SORCS2: variants seen among roughly 807,000 people sequenced by gnomAD.
The protein encoded by SORCS2 is sortilin related VPS10 domain containing receptor 2, also known as VPS10 domain-containing receptor SorCS2.
In SORCS2, 100 loss-of-function variants were observed where a neutral mutation model predicts 141.6. That is an observed-to-expected ratio of 0.71 (90% CI 0.60 to 0.83). SORCS2 has a LOEUF of 0.83. Among genes scored for constraint, SORCS2 ranks in the 40% least tolerant of loss-of-function variants. The pLI is 0.00. For missense variants in SORCS2, 1,646 were observed against 1,560.2 expected (o/e 1.05, Z -0.93); for synonymous variants, 789 against 676.9 (o/e 1.17, Z -2.57).
chr4:7,615,589 G>T (rs1002474482), intron 3 of SORCS2, among the ~76,000 whole-genome samples: 19 of 152,170 alleles, frequency 1.2e-4, no homozygotes, highest in African/African-American at 4.3e-4. Context: ...TGCCACATCA[G>T]GTGTTCCTGT....
intron 1 of SORCS2, among the ~76,000 whole-genome samples, chr4:7,291,759 C>T (rs1716617917): frequency 6.6e-6 from 1 of 152,202 alleles, no homozygotes; most frequent in Non-Finnish European, 1.5e-5. Context: ...TCCCTCCCTG[C>T]TCCCTTGTGA....
intron 2 of SORCS2, among the ~76,000 whole-genome samples, chr4:7,412,734 C>T (rs1359308363): frequency 6.6e-6 from 1 of 152,034 alleles, no homozygotes; most frequent in Non-Finnish European, 1.5e-5. Flanking sequence ...GCTGGGTCTC[C>T]CCAAGCACCC....
chr4:7,369,895 C>T (rs190864084), intron 1 of SORCS2, among the ~76,000 whole-genome samples: 38 of 152,350 alleles, frequency 2.5e-4, no homozygotes, highest in African/African-American at 7.5e-4. Flanking sequence ...GTGTCTTCTC[C>T]AGCTCCCCCT....
chr4:7,571,727 C>T (rs1354197355), intron 3 of SORCS2, among the ~76,000 whole-genome samples: 2 of 152,082 alleles, frequency 1.3e-5, no homozygotes, highest in East Asian at 3.9e-4. Flanking sequence ...GGAAAAGGGG[C>T]CAAGGCCAGC....
chr4:7,531,421 TG>T, intron 2 of SORCS2, 108 bp from the exon 3 acceptor site: 2 of 975,500 alleles, frequency 2.1e-6, no homozygotes, highest in Non-Finnish European at 3.1e-6. Context: ...TCAGGGTGTC[TG>T]GGGCACTCGG....
chr4:7,305,033 C>CTTCTTTTT (rs1447277017), intron 1 of SORCS2, among the ~76,000 whole-genome samples: 4 of 52,762 alleles, frequency 7.6e-5, no homozygotes, highest in Admixed American at 2.5e-4. Flanking sequence ...TCTGGCTCTT[C>CTTCTTTTT]TTTTTTTTTT....
intron 3 of SORCS2, among the ~76,000 whole-genome samples, chr4:7,619,854 C>A (rs185707962): frequency 2.1e-3 from 318 of 152,180 alleles, no homozygotes; most frequent in Non-Finnish European, 2.5e-3. Flanking sequence ...CGTGTTCATG[C>A]GTGTGTGACG....
intron 3 of SORCS2, among the ~76,000 whole-genome samples, chr4:7,579,942 G>T (rs368193865): frequency 5.9e-5 from 9 of 152,288 alleles, no homozygotes; most frequent in African/African-American, 2.2e-4. Context: ...CATGCAGAGT[G>T]GAGTGAGTCC....
chr4:7,615,916 A>G (rs1017254849), intron 3 of SORCS2, among the ~76,000 whole-genome samples: 2 of 152,186 alleles, frequency 1.3e-5, no homozygotes, highest in Non-Finnish European at 2.9e-5. Context: ...GTTAAATTTG[A>G]ATTTTATATA....
At chr4:7,320,849 C>G (rs1324612427) in intron 1 of SORCS2, among the ~76,000 whole-genome samples, 3 of 152,106 alleles carry the variant, frequency 2.0e-5, no homozygotes, top group Admixed American at 6.6e-5. Flanking sequence ...TGATGGGACC[C>G]ACCCTCCCTT....
intron 26 of SORCS2, among the ~76,000 whole-genome samples, chr4:7,739,010 T>C (rs906361654): frequency 3.3e-5 from 5 of 152,178 alleles, no homozygotes; most frequent in African/African-American, 4.8e-5. Flanking sequence ...ACCCAGGTAC[T>C]TCACGGAGCG....
intron 1 of SORCS2, among the ~76,000 whole-genome samples, chr4:7,348,977 T>C (rs956628893): frequency 1.3e-5 from 2 of 152,216 alleles, no homozygotes; most frequent in Non-Finnish European, 2.9e-5. Context: ...TCCTTCGTTA[T>C]AGACAGAAAA....
chr4:7,493,444 C>T (rs551693245), intron 2 of SORCS2, among the ~76,000 whole-genome samples: 17 of 152,268 alleles, frequency 1.1e-4, no homozygotes, highest in African/African-American at 3.9e-4. Context: ...TCTGCCTGAC[C>T]CTTGGTGTCT....
chr4:7,258,803 T>A (rs576978743), intron 1 of SORCS2, among the ~76,000 whole-genome samples: 1 of 152,362 alleles, frequency 6.6e-6, no homozygotes, highest in Admixed American at 6.5e-5. Context: ...CCTGACATTT[T>A]AATGATGGCC....
At chr4:7,556,367 G>A (rs1169018498) in intron 3 of SORCS2, among the ~76,000 whole-genome samples, 1 of 152,130 alleles carries the variant, frequency 6.6e-6, no homozygotes, top group East Asian at 1.9e-4. Flanking sequence ...TTAGCAAAGA[G>A]CTCCAGGGGG....
intron 14 of SORCS2, among the ~76,000 whole-genome samples, chr4:7,710,709 A>G (rs1725773981): frequency 6.6e-6 from 1 of 152,178 alleles, no homozygotes; most frequent in Non-Finnish European, 1.5e-5. Flanking sequence ...AAGACCACTC[A>G]CAGCCGGGGC....
chr4:7,726,765 G>C lies in SORCS2; in HGVS notation c.2746-15G>C. On this transcript the variant is annotated splice_polypyrimidine_tract_variant and intron_variant, in intron 20 of 26. Transcript: ENST00000507866. ...TCACTCGGCCAGGCCCCTAAGCCCTGCTGTGCCCCTGCAGCCCCTCCTTTC... is the reference window on the plus strand; with the variant it reads ...TCACTCGGCCAGGCCCCTAAGCCCTCCTGTGCCCCTGCAGCCCCTCCTTTC... 6.2e-7 allele frequency: 1 copy of C among 1,612,592 alleles called. No individual in the cohort carries two copies. The highest frequency in any genetic ancestry group is 1.1e-5 in the South Asian group (1 of 91,002).
At chr4:7,524,411 C>T (rs1733532908) in intron 2 of SORCS2, among the ~76,000 whole-genome samples, 1 of 152,058 alleles carries the variant, frequency 6.6e-6, no homozygotes, top group South Asian at 2.1e-4. Context: ...GGGGACAAGC[C>T]ACGCGGGTTG....
intron 6 of SORCS2, among the ~76,000 whole-genome samples, chr4:7,662,208 G>A (rs111949955): frequency 6.6e-6 from 1 of 151,792 alleles, no homozygotes; most frequent in Non-Finnish European, 1.5e-5. Flanking sequence ...CAGTTGCTAG[G>A]TGTGGCTCCC....
Sources: gnomAD v4.1 joint callset for allele counts (sites outside exome capture counted in the v4.1 genomes callset) on GRCh38, gnomAD v4.1.1 for gene constraint, MANE v1.5 for transcripts, NCBI Gene and HGNC (gene_info 2026-07-23, HGNC 2026-07-21) for gene names.